Variants in TGFBR3 observed in about 807,000 individuals in gnomAD.
The protein encoded by TGFBR3 is transforming growth factor beta receptor type 3.
In TGFBR3, 46 loss-of-function variants were observed where a neutral mutation model predicts 87.9. The observed-to-expected ratio is 0.52, with a 90% CI of 0.41 to 0.67. The LOEUF is 0.67. TGFBR3 is among the 30% of genes least tolerant of loss of function. The probability of loss-of-function intolerance (pLI) is 0.00; values close to 1 mark genes in which losing one functional copy is unlikely to be tolerated. For synonymous variants in TGFBR3, 381 were observed against 391.6 expected (o/e 0.97, Z 0.32); for missense variants, 866 against 1,041.9 (o/e 0.83, Z 2.32).
chr1:91,726,090 T>A (rs979460682), intron 7 of TGFBR3, among the ~76,000 whole-genome samples: 3 of 152,202 alleles, frequency 2.0e-5, no homozygotes, highest in South Asian at 2.1e-4. Flanking sequence ...GAGAGGAACA[T>A]AAACAGATCT....
At chr1:91,736,311 T>G (rs1328746332) in intron 4 of TGFBR3, among the ~76,000 whole-genome samples, 1 of 150,024 alleles carries the variant, frequency 6.7e-6, no homozygotes, top group East Asian at 2.0e-4. Flanking sequence ...GTGACTACAC[T>G]TGACAGCACT....
intron 5 of TGFBR3, among the ~76,000 whole-genome samples, chr1:91,730,919 G>A (rs573125550): frequency 6.6e-6 from 1 of 152,312 alleles, no homozygotes; most frequent in South Asian, 2.1e-4. Flanking sequence ...CCTCCACCCG[G>A]GAAAGTGATG....
At chr1:91,715,320 T>C (rs764074499) in intron 12 of TGFBR3, among the ~76,000 whole-genome samples, 4 of 152,220 alleles carry the variant, frequency 2.6e-5, no homozygotes, top group Non-Finnish European at 5.9e-5. Flanking sequence ...AATGGCACTT[T>C]GGAGATAAGT....
At chr1:91,801,446 C>A (rs764599583) in intron 2 of TGFBR3, among the ~76,000 whole-genome samples, 6 of 152,152 alleles carry the variant, frequency 3.9e-5, no homozygotes, top group Admixed American at 1.3e-4. Context: ...AAAGGGTGAC[C>A]AAGCATTGTA....
intron 13 of TGFBR3, among the ~76,000 whole-genome samples, chr1:91,709,002 C>T (rs990598398): frequency 1.3e-5 from 2 of 152,220 alleles, no homozygotes; most frequent in East Asian, 3.8e-4. Flanking sequence ...ATGCAAATAT[C>T]ACTGGATAGC....
rs995964825 is a variant in TGFBR3 at position 91,767,215 on chromosome 1, T to C, written c.247-8465A>G. On this transcript the variant is annotated intron_variant, in intron 3 of 16. Coordinates refer to ENST00000212355, the MANE Select transcript of TGFBR3 (RefSeq NM_003243.5). ...AACAAACAAACAAAACCCCACAAAATGCAGTTGTAGTCAGGTAGCGATTTA... is the reference window on the plus strand; with the variant it reads ...AACAAACAAACAAAACCCCACAAAACGCAGTTGTAGTCAGGTAGCGATTTA... Among the ~76,000 whole-genome samples the C allele has an allele frequency of 1.9e-4, 25 of 133,784 alleles. 4 individuals are homozygous for C. Among genetic ancestry groups the C allele is most frequent in the Admixed American group, 9.8e-4 (13 of 13,232 alleles). The allele number at this position is 133,784 out of a possible 152,430, so 87.8% of individuals were successfully genotyped here. A position where few individuals can be genotyped will look rare whatever the true frequency, so the allele number is the denominator to read the frequency against.
chr1:91,883,734 C>T (rs533979911), intron 1 of TGFBR3, among the ~76,000 whole-genome samples: 1 of 145,662 alleles, frequency 6.9e-6, no homozygotes, highest in African/African-American at 2.5e-5. Context: ...CAGATTCCAT[C>T]AAAACAGGAA....
intron 16 of TGFBR3, among the ~76,000 whole-genome samples, chr1:91,692,504 T>C (rs1671299681): frequency 6.6e-6 from 1 of 152,074 alleles, no homozygotes; most frequent in Admixed American, 6.6e-5. Context: ...CATTTGTTCC[T>C]CCCTTCAAGA....
intron 13 of TGFBR3, among the ~76,000 whole-genome samples, chr1:91,711,777 A>G (rs1671991363): frequency 6.6e-6 from 1 of 152,194 alleles, no homozygotes; most frequent in Admixed American, 6.5e-5. Flanking sequence ...TGAAACTGAG[A>G]AAAGCTAAAA....
chr1:91,719,837 G>C (rs972720723), intron 9 of TGFBR3, 56 bp downstream of exon 9: 4 of 1,581,274 alleles, frequency 2.5e-6, no homozygotes, highest in Non-Finnish European at 3.5e-6. Flanking sequence ...ATGCAGACTA[G>C]GGCCAGATGG....
chr1:91,794,455 G>A (rs1057185614), intron 3 of TGFBR3, among the ~76,000 whole-genome samples: 2 of 151,982 alleles, frequency 1.3e-5, no homozygotes, highest in African/African-American at 4.8e-5. Flanking sequence ...CACCTGCCTC[G>A]GCCTCCCAAA....
chr1:91,884,385 C>A (rs936580128), intron 1 of TGFBR3, among the ~76,000 whole-genome samples: 1 of 151,966 alleles, frequency 6.6e-6, no homozygotes, highest in African/African-American at 2.4e-5. Context: ...TTATTTGGGG[C>A]CAGTTTCAGA....
rs746070050 is a variant in TGFBR3, at chr1:91,680,554, T to C, written c.*3185A>G. ...AAAACCAGCAACAAAATCAGGCTCATTCAGGAAAAACCAGAAGAGAGAAGT... is the reference window on the plus strand; with the variant it reads ...AAAACCAGCAACAAAATCAGGCTCACTCAGGAAAAACCAGAAGAGAGAAGT... On this transcript the variant is annotated 3_prime_UTR_variant, in exon 17 of 17. Transcript: ENST00000212355. 7 of 453,938 alleles carry C rather than the reference T, an allele frequency of 1.5e-5. No individual in the cohort carries two copies. Among genetic ancestry groups the C allele is most frequent in the South Asian group, 1.1e-4 (7 of 64,484 alleles). The allele number at this position is 453,938 out of a possible 1,614,324, so 28.1% of individuals were successfully genotyped here.
intron 3 of TGFBR3, among the ~76,000 whole-genome samples, chr1:91,794,478 C>T (rs1213873304): frequency 6.6e-6 from 1 of 152,116 alleles, no homozygotes; most frequent in Non-Finnish European, 1.5e-5. Flanking sequence ...GTTGGGATTA[C>T]AGGTGTGAGC....
intron 16 of TGFBR3, among the ~76,000 whole-genome samples, chr1:91,690,270 G>T (rs574539886): frequency 5.7e-4 from 87 of 152,042 alleles, no homozygotes; most frequent in Non-Finnish European, 1.1e-3. Flanking sequence ...CGCTCCACTG[G>T]GCTGAGATCT....
At chr1:91,800,330 ATGTGTG>A (rs371979320) in intron 2 of TGFBR3, among the ~76,000 whole-genome samples, 6 of 136,220 alleles carry the variant, frequency 4.4e-5, no homozygotes, top group East Asian at 2.3e-4. Flanking sequence ...ATATGTGTAT[ATGTGTG>A]TGTGTGTGTG....
intron 3 of TGFBR3, among the ~76,000 whole-genome samples, chr1:91,760,795 C>T (rs1348211862): frequency 6.6e-6 from 1 of 152,138 alleles, no homozygotes; most frequent in African/African-American, 2.4e-5. Flanking sequence ...ATGCTGTCCG[C>T]ATCTAGAAAT....
chr1:91,774,659 TGAGAACAAGTCTCG>T (rs941483351), intron 3 of TGFBR3, among the ~76,000 whole-genome samples: 1 of 152,250 alleles, frequency 6.6e-6, no homozygotes, highest in African/African-American at 2.4e-5. Context: ...ATCACTAGTC[TGAGAACAAGTCTCG>T]GTCATCACAA....
At chr1:91,850,349 T>C (rs1333947935) in intron 2 of TGFBR3, among the ~76,000 whole-genome samples, 1 of 152,202 alleles carries the variant, frequency 6.6e-6, no homozygotes, top group Non-Finnish European at 1.5e-5. Context: ...CTATAGAGCA[T>C]TTTGCTTCAC....
Sources: allele counts gnomAD v4.1 joint callset (sites outside exome capture counted in the v4.1 genomes callset), GRCh38; gene constraint gnomAD v4.1.1; transcripts MANE v1.5; gene names NCBI Gene and HGNC (gene_info 2026-07-23, HGNC 2026-07-21).